TEK: variants seen among roughly 807,000 people sequenced by gnomAD.
The protein encoded by TEK is TEK receptor tyrosine kinase.
A neutral mutation model predicts 131.8 loss-of-function variants in TEK; 43 were observed. The ratio of observed to expected loss-of-function variants is 0.33; its 90% CI spans 0.26 to 0.42. The LOEUF (loss-of-function observed/expected upper bound fraction) is 0.42. Among genes scored for constraint, TEK ranks in the 10% least tolerant of loss-of-function variants. TEK has a pLI of 1.00. For synonymous variants in TEK, 580 were observed against 491.6 expected (o/e 1.18, Z -2.38); for missense variants, 1,162 against 1,384.4 (o/e 0.84, Z 2.55).
At chr9:27,146,976 G>C (rs191677937) in intron 1 of TEK, among the ~76,000 whole-genome samples, 51 of 152,160 alleles carry the variant, frequency 3.4e-4, no homozygotes, top group Non-Finnish European at 5.9e-4. Flanking sequence ...TGATCTGCCC[G>C]CCTCGGCCTC....
At chr9:27,118,115 A>T (rs2131034802) in intron 1 of TEK, among the ~76,000 whole-genome samples, 1 of 152,304 alleles carries the variant, frequency 6.6e-6, no homozygotes, top group Admixed American at 6.5e-5. Context: ...GACATCTGGG[A>T]ATCTGGGATG....
rs574646162 is a variant in TEK, at chr9:27,201,666, A to G, written c.1910-1154A>G. Among the ~76,000 whole-genome samples, 7 of 152,332 alleles carry G rather than the reference A, an allele frequency of 4.6e-5. No homozygotes were observed. In the South Asian group the frequency reaches 1.5e-3, roughly 32 times the overall value. ...AAATTGCCACAGTCCCCTAAAGAGT[A>G]ACAAGGGGGAGTCAACATAATGAAA... On this transcript the variant is annotated intron_variant, in intron 12 of 22. Transcript: ENST00000380036.
rs561649202 is a variant in TEK at position 27,214,256 on chromosome 9, T to C, written c.2991+659T>C. On this transcript the variant is annotated intron_variant, in intron 18 of 22. Coordinates refer to ENST00000380036, the MANE Select transcript of TEK (RefSeq NM_000459.5). ...GTCCTAGAAGTACCGCATCCCTGCA[T>C]GTTACAGCTGTGTGGATGAAATGTC... Among the ~76,000 whole-genome samples, 5 of 152,362 alleles carry C rather than the reference T, an allele frequency of 3.3e-5. No individual in the cohort carries two copies. In the South Asian group the frequency reaches 6.2e-4, roughly 19 times the overall value.
At chr9:27,213,037 T>G in intron 17 of TEK, 140 bp downstream of exon 17, 1 of 879,006 alleles carries the variant, frequency 1.1e-6, no homozygotes, top group Admixed American at 2.6e-5. Context: ...TCTCTGTGAA[T>G]AGTCCATCTA....
At chr9:27,127,174 C>T (rs1822018915) in intron 1 of TEK, among the ~76,000 whole-genome samples, 2 of 152,098 alleles carry the variant, frequency 1.3e-5, no homozygotes. Flanking sequence ...CCCCCGCACC[C>T]GTGTCCATGT....
intron 1 of TEK, among the ~76,000 whole-genome samples, chr9:27,144,837 G>C (rs1822856138): frequency 6.6e-6 from 1 of 152,160 alleles, no homozygotes; most frequent in Admixed American, 6.5e-5. Flanking sequence ...TCAGAACCTA[G>C]AGCTCCTGTC....
chr9:27,201,684 T>C (rs1451483120), intron 12 of TEK, among the ~76,000 whole-genome samples: 1 of 152,070 alleles, frequency 6.6e-6, no homozygotes, highest in Non-Finnish European at 1.5e-5. Context: ...GGAGTCAACA[T>C]AATGAAAAGA....
intron 2 of TEK, among the ~76,000 whole-genome samples, chr9:27,162,645 T>C (rs1324973022): frequency 6.6e-6 from 1 of 152,174 alleles, no homozygotes; most frequent in Non-Finnish European, 1.5e-5. Context: ...CAAAGGAATA[T>C]GTTAAAAGCA....
intron 6 of TEK, among the ~76,000 whole-genome samples, chr9:27,177,685 G>T (rs1436393010): frequency 6.6e-6 from 1 of 152,200 alleles, no homozygotes. Context: ...GGGAGGTGGA[G>T]GTTGTGGTGA....
At chr9:27,154,243 T>G (rs12352474) in intron 1 of TEK, among the ~76,000 whole-genome samples, 19,636 of 152,182 alleles carry the variant, frequency 0.13, 1,435 homozygotes, top group Middle Eastern at 0.25. Context: ...GGTATACACA[T>G]GCCATGGTGG....
In TEK at chr9:27,209,193, C is replaced by T. The variant is rs1221271188; in HGVS notation, c.2648C>T (p.Pro883Leu). 1 of 1,613,930 alleles carries T rather than the reference C, an allele frequency of 6.2e-7. No individual in the cohort carries two copies. The highest frequency in any genetic ancestry group is 2.2e-5 in the East Asian group (1 of 44,872). The change falls in exon 16 of 23, where the codon CCA becomes CTA. Residue 883 changes from proline to leucine, a missense_variant. By Grantham distance (98) the Pro-to-Leu change is moderately conservative. Around this residue, in one of 6 missense-constraint regions of TEK, gnomAD observed 57 missense variants for 100.8 expected, o/e 0.57. Transcript: ENST00000380036. ...GTTCTTTGTAAACTTGGACACCATCCAAACATCATCAATCTCTTAGGAGCA... is the reference window on the plus strand; with the variant it reads ...GTTCTTTGTAAACTTGGACACCATCTAAACATCATCAATCTCTTAGGAGCA... ...LEVLCKLGHH[P>L]NIINLLGACE...
chr9:27,207,414 G>T (rs1825436923), intron 15 of TEK, among the ~76,000 whole-genome samples: 1 of 152,184 alleles, frequency 6.6e-6, no homozygotes. Context: ...TGGTTCCTCT[G>T]TACACTCAGG....
chr9:27,140,732 C>T (rs2131085026), intron 1 of TEK, among the ~76,000 whole-genome samples: 1 of 152,146 alleles, frequency 6.6e-6, no homozygotes, highest in South Asian at 2.1e-4. Flanking sequence ...GTGCTATCTT[C>T]TAAAACTATT....
At position 27,229,256 on chromosome 9, in the gene TEK, G is replaced by T. The variant is rs2131267907; in HGVS notation, c.*24G>T. ...AGGACAGAACATCTGTATACCCTCT[G>T]TTTCCCTTTCACTGGCATGGGAGAC... On this transcript the variant is annotated 3_prime_UTR_variant, in exon 23 of 23. Coordinates refer to ENST00000380036, the MANE Select transcript of TEK (RefSeq NM_000459.5). 3 of 1,612,156 alleles carry T rather than the reference G, an allele frequency of 1.9e-6. No homozygotes were observed. The East Asian group carries it at 6.7e-5, about 36-fold the overall frequency.
At chr9:27,206,344 A>G (rs1395491655) in intron 14 of TEK, among the ~76,000 whole-genome samples, 1 of 152,234 alleles carries the variant, frequency 6.6e-6, no homozygotes, top group Non-Finnish European at 1.5e-5. Flanking sequence ...GTCACCCTTT[A>G]CAGACATTGC....
intron 9 of TEK, 129 bp downstream of exon 9, chr9:27,185,758 A>C: frequency 1.6e-6 from 2 of 1,242,636 alleles, no homozygotes; most frequent in African/African-American, 1.5e-5. Context: ...GTAAGCCTTT[A>C]AAAAATTATA....
intron 1 of TEK, among the ~76,000 whole-genome samples, chr9:27,145,497 C>G (rs1564058352): frequency 6.6e-6 from 1 of 152,350 alleles, no homozygotes; most frequent in East Asian, 1.9e-4. Context: ...CTTGATCAAA[C>G]TGGCTTTGTG....
intron 1 of TEK, among the ~76,000 whole-genome samples, chr9:27,119,758 G>T (rs951710940): frequency 6.6e-6 from 1 of 152,132 alleles, no homozygotes; most frequent in African/African-American, 2.4e-5. Context: ...TCATTTGAAG[G>T]TTCCCACCTC....
intron 1 of TEK, among the ~76,000 whole-genome samples, chr9:27,137,099 G>T (rs190625836): frequency 6.6e-6 from 1 of 152,008 alleles, no homozygotes; most frequent in African/African-American, 2.4e-5. Context: ...TGTATTTTCA[G>T]TAGAGACGGG....
Sources: gnomAD v4.1 joint callset for allele counts (sites outside exome capture counted in the v4.1 genomes callset) on GRCh38, gnomAD v4.1.1 for gene constraint, gnomAD v4.1.1 regional missense constraint, MANE v1.5 for transcripts, NCBI Gene and HGNC (gene_info 2026-07-23, HGNC 2026-07-21) for gene names.